CHRDL1: variants seen among roughly 807,000 people sequenced by gnomAD.
CHRDL1 encodes the protein chordin-like protein 1.
In CHRDL1, 19 loss-of-function variants were observed where a neutral mutation model predicts 40.9. That is an observed-to-expected ratio of 0.46 (90% CI 0.32 to 0.68). The LOEUF (loss-of-function observed/expected upper bound fraction) is 0.68. CHRDL1 is among the 30% of genes least tolerant of loss of function. CHRDL1 has a pLI of 0.03. For synonymous variants in CHRDL1, 136 were observed against 123.4 expected (o/e 1.10, Z -0.68); for missense variants, 329 against 352.1 (o/e 0.93, Z 0.53).
chrX:110,693,580 C>T (rs2148431179), intron 8 of CHRDL1, among the ~76,000 whole-genome samples: 1 of 110,415 alleles, frequency 9.1e-6, no homozygotes, highest in African/African-American at 3.3e-5. Flanking sequence ...GGTTTGAACC[C>T]CTGGCCTCGA....
At chrX:110,766,548 A>G (rs1244144056) in intron 2 of CHRDL1, among the ~76,000 whole-genome samples, 1 of 111,723 alleles carries the variant, frequency 9.0e-6, no homozygotes, top group Non-Finnish European at 1.9e-5. Context: ...ATCATTCAAG[A>G]CTACTATGAA....
At chrX:110,745,701 G>C (rs2071438678) in intron 4 of CHRDL1, among the ~76,000 whole-genome samples, 1 of 111,862 alleles carries the variant, frequency 8.9e-6, no homozygotes, top group African/African-American at 3.3e-5. Context: ...TAATAATCTT[G>C]TTATGCGTGT....
Position 110,762,740 on chromosome X carries a change from C to A in CHRDL1, c.162G>T (p.Leu54=), listed in dbSNP as rs2089588385. ...YRVGERWHPY[L]EPYGLVYCVN... is the part of the protein sequence containing the mutation. ...CGCAGTAAACCAACCCATAAGGTTC[C>A]AGGTAAGGATGCCATCTCTCACCCA... Residue 54 remains leucine, a synonymous_variant, in exon 3 of 12, where the codon CTG becomes CTT. Transcript: ENST00000372042. 8.4e-7 allele frequency: 1 copy of A among 1,192,010 alleles called. No individual in the cohort carries two copies. Among genetic ancestry groups the A allele is most frequent in the Admixed American group, 2.2e-5 (1 of 45,193 alleles).
chrX:110,733,097 T>G (rs1358147793), intron 4 of CHRDL1, among the ~76,000 whole-genome samples: 1 of 112,391 alleles, frequency 8.9e-6, no homozygotes, highest in African/African-American at 3.2e-5. Flanking sequence ...ATGTATAATT[T>G]TGTCTGCTTT....
rs1470618285 is a variant in CHRDL1, at chrX:110,688,775, A to C, written c.807T>G (p.Ser269=). The change falls in exon 9 of 12, where the codon TCT becomes TCG. Residue 269 remains serine, a synonymous_variant. Coordinates refer to ENST00000372042, the MANE Select transcript of CHRDL1 (RefSeq NM_001143981.2). The part of the protein sequence containing the change: ...QVCVSNGKTY[S]HGESWHPNLR... The stretch of plus-strand genomic sequence containing the variant: ...GGTTTGGGTGCCAGGACTCGCCATG[A>C]GAATAGGTCTTTCCATTGGAAACAC... The C allele has an allele frequency of 6.6e-6, 8 of 1,204,590 alleles. No homozygotes were observed. Among genetic ancestry groups the C allele is most frequent in the East Asian group, 5.9e-5 (2 of 33,689 alleles).
At chrX:110,742,306 C>G (rs151036454) in intron 4 of CHRDL1, among the ~76,000 whole-genome samples, 2 of 111,867 alleles carry the variant, frequency 1.8e-5, no homozygotes, top group Non-Finnish European at 3.8e-5. Flanking sequence ...CAAACTGCTA[C>G]AGCTTTTTTA....
At chrX:110,729,964 T>C (rs1387659532) in intron 4 of CHRDL1, among the ~76,000 whole-genome samples, 1 of 111,638 alleles carries the variant, frequency 9.0e-6, no homozygotes. Context: ...TTGTTGTTCT[T>C]TTACTACTAG....
chrX:110,679,335 C>A lies in CHRDL1; in HGVS notation c.1246+1G>T. 8.5e-7 allele frequency: 1 copy of A among 1,178,323 alleles called. No individual in the cohort carries two copies. Among genetic ancestry groups the A allele is most frequent in the Non-Finnish European group, 1.2e-6 (1 of 865,091 alleles). Reference sequence around the variant, plus strand: ...GAGCAGTCAAGAGAAGTACTACTTACTCAGGGTTGTTCTGGTCACCAGCTT... The same window carrying A: ...GAGCAGTCAAGAGAAGTACTACTTAATCAGGGTTGTTCTGGTCACCAGCTT... On this transcript the variant is annotated splice_donor_variant, in intron 11 of 11. Coordinates refer to ENST00000372042, the MANE Select transcript of CHRDL1 (RefSeq NM_001143981.2). LOFTEE classifies it high-confidence loss of function.
At chrX:110,730,750 G>A (rs926565193) in intron 4 of CHRDL1, among the ~76,000 whole-genome samples, 21 of 110,710 alleles carry the variant, frequency 1.9e-4, no homozygotes, top group Non-Finnish European at 3.2e-4. Flanking sequence ...GGCTCCCACC[G>A]TATTTTAACC....
chrX:110,783,038 C>A (rs890346713), intron 2 of CHRDL1, among the ~76,000 whole-genome samples: 2 of 112,647 alleles, frequency 1.8e-5, no homozygotes, highest in Non-Finnish European at 3.7e-5. Flanking sequence ...AGACAAGGAG[C>A]TGAATGGTCA....
At chrX:110,794,959 A>C (rs1350713044) in intron 1 of CHRDL1, among the ~76,000 whole-genome samples, 3 of 112,556 alleles carry the variant, frequency 2.7e-5, no homozygotes, top group Admixed American at 9.3e-5. Flanking sequence ...CAGCAAGAAA[A>C]GTTCAGTTAA....
chrX:110,741,666 A>G (rs1244853748), intron 4 of CHRDL1, among the ~76,000 whole-genome samples: 1 of 111,436 alleles, frequency 9.0e-6, no homozygotes, highest in East Asian at 2.8e-4. Context: ...AGGCACTCCA[A>G]TTGGCTTGGT....
chrX:110,693,828 G>C (rs964382727), intron 8 of CHRDL1, among the ~76,000 whole-genome samples: 8 of 111,495 alleles, frequency 7.2e-5, no homozygotes, highest in Non-Finnish European at 1.9e-5. Flanking sequence ...GAGTACCTTT[G>C]AATGTTGGGT....
chrX:110,760,279 A>G (rs926481659), intron 3 of CHRDL1, among the ~76,000 whole-genome samples: 2 of 112,031 alleles, frequency 1.8e-5, no homozygotes, highest in African/African-American at 6.5e-5. Flanking sequence ...TCTGAGGACG[A>G]GCTAGAGTTT....
At chrX:110,700,040 G>A (rs1344102091) in intron 7 of CHRDL1, among the ~76,000 whole-genome samples, 1 of 112,106 alleles carries the variant, frequency 8.9e-6, no homozygotes, top group Non-Finnish European at 1.9e-5. Context: ...TATTTTTAGA[G>A]AGGAATGCTA....
chrX:110,723,219 C>A (rs1053755314), intron 4 of CHRDL1, among the ~76,000 whole-genome samples: 2 of 111,289 alleles, frequency 1.8e-5, no homozygotes, highest in Non-Finnish European at 3.8e-5. Context: ...CCACTGCACT[C>A]CAGCCTGGGC....
chrX:110,773,218 A>G (rs181118648), intron 2 of CHRDL1, among the ~76,000 whole-genome samples: 1 of 112,157 alleles, frequency 8.9e-6, no homozygotes, highest in African/African-American at 3.2e-5. Flanking sequence ...ATTCCTTGCT[A>G]TATATTTCCT....
intron 2 of CHRDL1, among the ~76,000 whole-genome samples, chrX:110,772,942 A>G (rs1428157746): frequency 2.7e-5 from 3 of 112,697 alleles, no homozygotes; most frequent in Non-Finnish European, 3.7e-5. Flanking sequence ...TAATTTTTTA[A>G]AACTTCTAAA....
chrX:110,712,637 G>A (rs952618391), intron 6 of CHRDL1, among the ~76,000 whole-genome samples: 4 of 110,591 alleles, frequency 3.6e-5, no homozygotes, highest in Non-Finnish European at 7.6e-5. Context: ...GGGAGGCCGA[G>A]GCAGGAGAAT....
Sources: gnomAD v4.1 joint callset for allele counts (sites outside exome capture counted in the v4.1 genomes callset) on GRCh38, gnomAD v4.1.1 for gene constraint, MANE v1.5 for transcripts, NCBI Gene and HGNC (gene_info 2026-07-23, HGNC 2026-07-21) for gene names.